NEBL: variants seen among roughly 807,000 people sequenced by gnomAD.
NEBL encodes the protein LIM and SH3 protein 2.
A neutral mutation model predicts 140.2 loss-of-function variants in NEBL; 122 were observed. The ratio of observed to expected loss-of-function variants is 0.87; its 90% CI spans 0.75 to 1.01. The LOEUF is 1.01. NEBL is among the 50% of genes least tolerant of loss of function. The probability of loss-of-function intolerance (pLI) is 0.00; values close to 1 mark genes in which losing one functional copy is unlikely to be tolerated. For synonymous variants in NEBL, 436 were observed against 398.9 expected (o/e 1.09, Z -1.11); for missense variants, 1,365 against 1,231.3 (o/e 1.11, Z -1.62).
At chr10:21,129,617 T>A (rs1280383245) in intron 2 of NEBL, among the ~76,000 whole-genome samples, 6 of 152,090 alleles carry the variant, frequency 3.9e-5, no homozygotes, top group African/African-American at 7.2e-5. Context: ...GAATTAGAAT[T>A]ATTTTATTAT....
chr10:20,979,407 A>T (rs937018280), intron 3 of NEBL, among the ~76,000 whole-genome samples: 7 of 152,208 alleles, frequency 4.6e-5, no homozygotes, highest in Non-Finnish European at 2.9e-5. Flanking sequence ...GAAAGAGAAG[A>T]TGCAAAAGGT....
chr10:20,942,121 A>G (rs974178340), intron 4 of NEBL, among the ~76,000 whole-genome samples: 10 of 152,160 alleles, frequency 6.6e-5, no homozygotes, highest in Admixed American at 5.2e-4. Flanking sequence ...AAAAGAGCCC[A>G]CCTTGCCAAG....
At chr10:20,903,791 C>T (rs1382049757) in intron 4 of NEBL, among the ~76,000 whole-genome samples, 2 of 151,872 alleles carry the variant, frequency 1.3e-5, no homozygotes, top group East Asian at 1.9e-4. Context: ...TGCATGTTGT[C>T]TGTCACTCAT....
At chr10:21,013,698 T>C (rs547698052) in intron 3 of NEBL, among the ~76,000 whole-genome samples, 2 of 152,216 alleles carry the variant, frequency 1.3e-5, no homozygotes, top group South Asian at 4.1e-4. Flanking sequence ...GCCAACATGG[T>C]GAATCCCCAT....
At chr10:21,029,525 A>G (rs1219934267) in intron 2 of NEBL, 7 of 1,609,196 alleles carry the variant, frequency 4.3e-6, no homozygotes, top group Non-Finnish European at 4.2e-6. Context: ...CAAGCACAGG[A>G]TACAGACAGG....
upstream of NEBL, among the ~76,000 whole-genome samples, chr10:20,900,920 G>A (rs969485658): frequency 1.9e-4 from 29 of 149,788 alleles, no homozygotes; most frequent in South Asian, 1.1e-3. Context: ...TCAGGAGGCC[G>A]AGGCAGGAGA....
chr10:21,109,945 A>C (rs979568057), intron 2 of NEBL, among the ~76,000 whole-genome samples: 2 of 152,088 alleles, frequency 1.3e-5, no homozygotes, highest in African/African-American at 4.8e-5. Context: ...TAGTCTTTTC[A>C]AAAAACCAGC....
intron 3 of NEBL, among the ~76,000 whole-genome samples, chr10:21,215,267 C>G (rs1404095459): frequency 1.3e-5 from 2 of 152,110 alleles, no homozygotes; most frequent in Admixed American, 6.6e-5. Flanking sequence ...TATGATCACG[C>G]CACTGTACTT....
chr10:20,780,960 G>A lies in NEBL; in HGVS notation c.*4787C>T, dbSNP rs866575910. ...TGTGAGTGACTGTACTATACAATGTGATGCTAGGCTTAATGTGTCATTTCA... is the reference window on the plus strand; with the variant it reads ...TGTGAGTGACTGTACTATACAATGTAATGCTAGGCTTAATGTGTCATTTCA... On this transcript the variant is annotated 3_prime_UTR_variant, in exon 28 of 28. Coordinates refer to ENST00000377122, the MANE Select transcript of NEBL (RefSeq NM_006393.3). The A allele has an allele frequency of 2.6e-5, 4 of 152,330 alleles. No homozygotes were observed. Among genetic ancestry groups the A allele is most frequent in the Middle Eastern group, 3.4e-3 (1 of 294 alleles). 9.4% of individuals were successfully genotyped at this position (152,330 alleles called of 1,614,324 possible).
Position 20,809,900 on chromosome 10 carries a change from T to C in NEBL, c.2519-2A>G, listed in dbSNP as rs747461565. 7 of 1,608,812 alleles carry C rather than the reference T, an allele frequency of 4.4e-6. No homozygotes were observed. Among genetic ancestry groups the C allele is most frequent in the Non-Finnish European group, 6.0e-6 (7 of 1,176,328 alleles). ...GATCTGTGCGCCAAACTTTGAGGTC[T>C]TTTGCCAAAAGGAAGAAATCAACAC... On this transcript the variant is annotated splice_acceptor_variant, in intron 24 of 27. Transcript: ENST00000377122. LOFTEE classifies it high-confidence loss of function.
intron 2 of NEBL, among the ~76,000 whole-genome samples, chr10:21,066,718 A>T (rs544285139): frequency 4.3e-4 from 65 of 152,362 alleles, no homozygotes; most frequent in African/African-American, 1.5e-3. Context: ...GAGCAATGAG[A>T]CATCCCTTCT....
At chr10:21,012,245 C>G (rs909487420) in intron 3 of NEBL, among the ~76,000 whole-genome samples, 6 of 152,162 alleles carry the variant, frequency 3.9e-5, no homozygotes, top group African/African-American at 1.4e-4. Context: ...CAGAGTGCCA[C>G]TCACTCTTCA....
chr10:20,917,277 C>G (rs537469339), intron 4 of NEBL, among the ~76,000 whole-genome samples: 2 of 152,334 alleles, frequency 1.3e-5, no homozygotes, highest in Admixed American at 1.3e-4. Flanking sequence ...CTCTAACAAT[C>G]ACTAATATTG....
intron 4 of NEBL, among the ~76,000 whole-genome samples, chr10:20,932,072 C>A (rs1370871997): frequency 1.3e-5 from 2 of 152,166 alleles, no homozygotes; most frequent in Admixed American, 1.3e-4. Flanking sequence ...ACATTTCATT[C>A]TTCAGCATGT....
At chr10:21,169,618 C>T (rs938825001) in intron 2 of NEBL, among the ~76,000 whole-genome samples, 4 of 152,192 alleles carry the variant, frequency 2.6e-5, no homozygotes, top group African/African-American at 9.6e-5. Context: ...GAATCCAAAA[C>T]TTTGCCAGGC....
chr10:20,847,242 T>C (rs1842034432), intron 11 of NEBL, among the ~76,000 whole-genome samples: 1 of 152,148 alleles, frequency 6.6e-6, no homozygotes, highest in Non-Finnish European at 1.5e-5. Flanking sequence ...AGCATATGAA[T>C]TGGGTCCAAA....
At chr10:21,172,042 A>C in intron 2 of NEBL, 1 of 309,436 alleles carries the variant, frequency 3.2e-6, no homozygotes, top group Non-Finnish European at 6.2e-6. Flanking sequence ...AAATTGACAC[A>C]GGATTAAAAT....
rs61234594 is a variant in NEBL at position 21,082,535 on chromosome 10, T to TAAAAAAAAAAAA, written c.165-62346_165-62335dup. Among the ~76,000 whole-genome samples, 137 of 117,264 alleles carry TAAAAAAAAAAAA rather than the reference T, an allele frequency of 1.2e-3. 5 individuals are homozygous for TAAAAAAAAAAAA. The highest frequency in any genetic ancestry group is 2.8e-3 in the South Asian group (10 of 3,544). The allele number at this position is 117,264 out of a possible 152,430, so 76.9% of individuals were successfully genotyped here. ...AGTTTGAAGTGTTCCCCACCACCAC[T>TAAAAAAAAAAAA]AAAAAAAAAAAAAAAAAAAAAAAAA... On this transcript the variant is annotated intron_variant, in intron 2 of 6. Coordinates refer to the NEBL transcript ENST00000417816.
chr10:20,915,746 T>C (rs1362673603), intron 4 of NEBL, among the ~76,000 whole-genome samples: 1 of 152,140 alleles, frequency 6.6e-6, no homozygotes, highest in African/African-American at 2.4e-5. Flanking sequence ...AGCAGCATGA[T>C]TTATAGTCCT....
Sources: gnomAD v4.1 joint callset for allele counts (sites outside exome capture counted in the v4.1 genomes callset) on GRCh38, gnomAD v4.1.1 for gene constraint, MANE v1.5 for transcripts, NCBI Gene and HGNC (gene_info 2026-07-23, HGNC 2026-07-21) for gene names.